Variants in SLC28A1 observed in about 807,000 individuals in gnomAD.
The protein encoded by SLC28A1 is sodium/nucleoside cotransporter 1.
Under a neutral mutation model 74.8 loss-of-function variants are expected in SLC28A1, and 64 were observed. That is an observed-to-expected ratio of 0.86 (90% CI 0.70 to 1.05). The LOEUF (loss-of-function observed/expected upper bound fraction) is 1.05, where lower values mean the gene tolerates loss of function less well. SLC28A1 is among the 50% of genes least tolerant of loss of function. The pLI is 0.00. For missense variants in SLC28A1, 828 were observed against 822.8 expected (o/e 1.01, Z -0.08); for synonymous variants, 359 against 335.0 (o/e 1.07, Z -0.78).
Position 84,945,463 on chromosome 15 carries a change from C to G in SLC28A1, c.*263C>G, listed in dbSNP as rs901303074. 2.6e-5 allele frequency: 13 copies of G among 492,548 alleles called. No individual in the cohort carries two copies. The highest frequency in any genetic ancestry group is 4.5e-5 in the Non-Finnish European group (12 of 266,096). 30.5% of individuals were successfully genotyped at this position (492,548 alleles called of 1,614,324 possible). On this transcript the variant is annotated 3_prime_UTR_variant, in exon 19 of 19. Transcript: ENST00000394573. ...TGTGAATTCTCAGGGTCACTTCTGC[C>G]TCCTCCCGTTTCCCCTCCACATCCA...
chr15:84,912,711 G>A (rs1968438189), intron 9 of SLC28A1, among the ~76,000 whole-genome samples: 1 of 151,906 alleles, frequency 6.6e-6, no homozygotes, highest in African/African-American at 2.4e-5. Context: ...AACCCCTAGG[G>A]TCAAGGAAAA....
intron 5 of SLC28A1, among the ~76,000 whole-genome samples, chr15:84,891,920 T>G (rs986721158): frequency 3.6e-4 from 55 of 151,604 alleles, no homozygotes; most frequent in African/African-American, 1.3e-3. Flanking sequence ...TATGAAGGAA[T>G]GGGAGATGAA....
At chr15:84,897,095 G>C (rs1012696872) in intron 6 of SLC28A1, among the ~76,000 whole-genome samples, 1 of 151,764 alleles carries the variant, frequency 6.6e-6, no homozygotes, top group Non-Finnish European at 1.5e-5. Flanking sequence ...ATACACTTTT[G>C]GCCAGGCACG....
At chr15:84,954,999 A>C in the SLC28A1 span, among the ~76,000 whole-genome samples, 1 of 151,952 alleles carries the variant, frequency 6.6e-6, no homozygotes, top group Non-Finnish European at 1.5e-5. Context: ...CACTCTTAGC[A>C]CTCTGACCCA....
intron 11 of SLC28A1, among the ~76,000 whole-genome samples, chr15:84,923,165 T>C (rs1313436208): frequency 1.3e-5 from 2 of 152,202 alleles, no homozygotes; most frequent in Non-Finnish European, 2.9e-5. Flanking sequence ...CTGGAACTCC[T>C]GACCTCAGCC....
At chr15:84,895,402 G>A (rs376200964) in intron 6 of SLC28A1, 5 of 1,613,948 alleles carry the variant, frequency 3.1e-6, no homozygotes, top group Non-Finnish European at 2.5e-6. Flanking sequence ...GGAGCAAGGA[G>A]GGCCCGAATC....
intron 9 of SLC28A1, among the ~76,000 whole-genome samples, chr15:84,914,524 G>A (rs1351106889): frequency 6.6e-6 from 1 of 152,210 alleles, no homozygotes; most frequent in Non-Finnish European, 1.5e-5. Flanking sequence ...CTTTGCAGGT[G>A]TGTGACCTCG....
At chr15:84,966,678 C>T in the SLC28A1 span, among the ~76,000 whole-genome samples, 3 of 152,212 alleles carry the variant, frequency 2.0e-5, no homozygotes, top group Admixed American at 6.5e-5. Context: ...GCACATCTCA[C>T]ATGGCAGCAG....
At chr15:84,887,651 C>T in intron 2 of SLC28A1, 94 bp from the exon 3 acceptor site, 1 of 1,560,138 alleles carries the variant, frequency 6.4e-7, no homozygotes, top group Non-Finnish European at 8.7e-7. Flanking sequence ...CATCTGCTCC[C>T]CCCACTCAGT....
chr15:84,923,633 T>C (rs767532798), intron 11 of SLC28A1, among the ~76,000 whole-genome samples: 6 of 151,948 alleles, frequency 3.9e-5, no homozygotes, highest in Non-Finnish European at 8.8e-5. Flanking sequence ...TGAGCAGGGG[T>C]CATTCCTGGA....
chr15:84,959,040 C>T, the SLC28A1 span, among the ~76,000 whole-genome samples: 46 of 134,694 alleles, frequency 3.4e-4, no homozygotes, highest in African/African-American at 1.3e-3. Flanking sequence ...GTGGGGGTTG[C>T]AGTGAGCCGA....
chr15:84,895,516 T>C (rs1965899802), intron 6 of SLC28A1: 1 of 1,569,966 alleles, frequency 6.4e-7, no homozygotes, highest in South Asian at 1.2e-5. Flanking sequence ...TGCTGGTATT[T>C]TTCATTAGCC....
At position 84,918,540 on chromosome 15, in the gene SLC28A1, T is replaced by A. The variant is rs1969413358; in HGVS notation, c.812T>A (p.Val271Asp). The A allele has an allele frequency of 6.2e-7, 1 of 1,613,964 alleles. No individual in the cohort carries two copies. The highest frequency in any genetic ancestry group is 1.1e-5 in the South Asian group (1 of 91,080). The change falls in exon 10 of 19, where the codon GTC becomes GAC. Residue 271 changes from valine to aspartate, a missense_variant. Physicochemically the swap from Val to Asp is radical, Grantham distance 152. This residue lies in a region of SLC28A1 where 767 missense variants were observed against 753.5 expected (regional missense o/e 1.02). Transcript: ENST00000394573. ...VFAFQVLPII[V>D]FFSCVISVLY... ...TCCCGGCAGGTTCTGCCCATCATTG[T>A]CTTTTTCAGCTGTGTCATATCCGTT...
Position 84,910,342 on chromosome 15 carries a change from C to T in SLC28A1, c.795+1547C>T, listed in dbSNP as rs568249900. 2.6e-3 allele frequency among the ~76,000 whole-genome samples: 392 copies of T among 152,300 alleles called. 3 individuals carry two copies. The highest frequency in any genetic ancestry group is 8.4e-3 in the African/African-American group (350 of 41,562). On this transcript the variant is annotated intron_variant, in intron 9 of 18. Coordinates refer to ENST00000394573, the MANE Select transcript of SLC28A1 (RefSeq NM_004213.5). ...TTTGCATAACCAATGCGGGGGTACCCGAAGTTTCAGAAAAGACAAGTAAGG... is the reference window on the plus strand; with the variant it reads ...TTTGCATAACCAATGCGGGGGTACCTGAAGTTTCAGAAAAGACAAGTAAGG...
At position 84,905,590 on chromosome 15, in the gene SLC28A1, C is replaced by G. The variant is rs563872338; in HGVS notation, c.655C>G (p.Leu219Val). The change falls in exon 8 of 19, where the codon CTC becomes GTC. Residue 219 changes from leucine to valine, a missense_variant. Physicochemically the swap from Leu to Val is conservative, Grantham distance 32 (BLOSUM62 1). This residue lies in a region of SLC28A1 where 767 missense variants were observed against 753.5 expected (regional missense o/e 1.02). Coordinates refer to ENST00000394573, the MANE Select transcript of SLC28A1 (RefSeq NM_004213.5). ...WGLGLQFVLGLLVIRTEPGFI... is the reference protein window; with the variant it reads ...WGLGLQFVLGVLVIRTEPGFI... ...ACTTGGACTGCAGTTTGTACTTGGA[C>G]TCCTCGTCATCAGAACAGAACCAGG... The G allele has an allele frequency of 3.1e-6, 5 of 1,614,134 alleles. No homozygotes were observed. The Admixed American group carries it at 5.0e-5, about 16-fold the overall frequency.
chr15:84,895,097 T>TC lies in SLC28A1; in HGVS notation c.439dup (p.Arg147ProfsTer7). Reference sequence around the variant, plus strand: ...GGAGGTTTCTCAAGCCTCAGGGCCATCCCCGCCTGCTGCTCTGGTTTAAGA... The same window carrying TC: ...GGAGGTTTCTCAAGCCTCAGGGCCATCCCCCGCCTGCTGCTCTGGTTTAAGA... On this transcript the variant is annotated frameshift_variant, in exon 6 of 19. Transcript: ENST00000394573. LOFTEE classifies it high-confidence loss of function. The TC allele has an allele frequency of 3.7e-6, 6 of 1,613,824 alleles. No homozygotes were observed. The highest frequency in any genetic ancestry group is 4.2e-6 in the Non-Finnish European group (5 of 1,179,798).
chr15:84,935,502 G>T lies in SLC28A1; in HGVS notation c.1565G>T (p.Arg522Met). The change falls in exon 15 of 19, where the codon AGG (arginine) becomes ATG (methionine). Residue 522 changes from arginine to methionine, a missense_variant. By Grantham distance (91) the Arg-to-Met change is moderately conservative. Coordinates refer to ENST00000394573, the MANE Select transcript of SLC28A1 (RefSeq NM_004213.5). ...GGGGCCGAGGAGTGGGTCGGCGACA[G>T]GAAGCAGTGGATCTCCGTGAGTGTC... ...LAGAEEWVGD[R>M]KQWISVRAEV... 1 of 1,613,416 alleles carries T rather than the reference G, an allele frequency of 6.2e-7. No homozygotes were observed. Among genetic ancestry groups the T allele is most frequent in the South Asian group, 1.1e-5 (1 of 91,086 alleles).
At chr15:84,895,414 G>T in intron 6 of SLC28A1, 1 of 1,614,078 alleles carries the variant, frequency 6.2e-7, no homozygotes, top group Non-Finnish European at 8.5e-7. Context: ...GCCCGAATCA[G>T]TACCTCCCTC....
chr15:84,921,187 A>G (rs1969790602), intron 11 of SLC28A1, 118 bp downstream of exon 11: 1 of 791,724 alleles, frequency 1.3e-6, no homozygotes, highest in African/African-American at 1.7e-5. Flanking sequence ...ACCTTCTCCC[A>G]GGGTCATCAA....
Sources: allele counts gnomAD v4.1 joint callset (sites outside exome capture counted in the v4.1 genomes callset), GRCh38; gene constraint gnomAD v4.1.1; regional missense constraint gnomAD v4.1.1; transcripts MANE v1.5; gene names NCBI Gene and HGNC (gene_info 2026-07-23, HGNC 2026-07-21).